CACNA1C: variants seen among roughly 807,000 people sequenced by gnomAD.
CACNA1C encodes voltage-dependent L-type calcium channel subunit alpha-1C.
Under a neutral mutation model 229.0 loss-of-function variants are expected in CACNA1C, and 30 were observed. The ratio of observed to expected loss-of-function variants is 0.13; its 90% CI spans 0.10 to 0.18. The LOEUF (loss-of-function observed/expected upper bound fraction) is 0.18. CACNA1C is among the 10% of genes least tolerant of loss of function. CACNA1C has a pLI of 1.00. For synonymous variants in CACNA1C, 1,114 were observed against 1,132.5 expected, an observed-to-expected ratio of 0.98 and a Z score of 0.33; for missense variants, 1,658 against 2,845.0, an observed-to-expected ratio of 0.58 and a Z score of 9.49.
chr12:2,448,979 C>A lies in CACNA1C; in HGVS notation c.481C>A (p.Arg161=). 6.2e-7 allele frequency: 1 copy of A among 1,606,410 alleles called. No homozygotes were observed. The highest frequency in any genetic ancestry group is 8.5e-7 in the Non-Finnish European group (1 of 1,174,958). ...DSNATNSNLE[R]VEYLFLIIFT... is the part of the protein sequence containing the mutation. ...CTTTTCTATTTCTGTTTCCTAGGAA[C>A]GAGTGGAATATCTCTTTCTCATAAT... Residue 161 remains arginine, a synonymous_variant, in exon 4 of 47, where the codon CGA becomes AGA. Transcript: ENST00000399655.
intron 3 of CACNA1C, among the ~76,000 whole-genome samples, chr12:2,182,347 T>TCTTCTG (rs1167048867): frequency 2.0e-5 from 3 of 152,108 alleles, no homozygotes; most frequent in African/African-American, 7.2e-5. Context: ...GCTGATGGTT[T>TCTTCTG]CTTCTGCTTC....
At chr12:2,151,745 A>G (rs987899374) in intron 3 of CACNA1C, among the ~76,000 whole-genome samples, 1 of 152,204 alleles carries the variant, frequency 6.6e-6, no homozygotes, top group African/African-American at 2.4e-5. Context: ...AGATGACAGC[A>G]GGCCACTCTC....
intron 4 of CACNA1C, among the ~76,000 whole-genome samples, chr12:2,451,588 G>A (rs1045984658): frequency 1.6e-4 from 25 of 152,334 alleles, no homozygotes; most frequent in African/African-American, 6.0e-4. Flanking sequence ...CCCTGGGAGG[G>A]AGGGGCCCTG....
chr12:2,100,000 CAG>C (rs1220915276), intron 1 of CACNA1C, among the ~76,000 whole-genome samples: 1 of 152,226 alleles, frequency 6.6e-6, no homozygotes, highest in African/African-American at 2.4e-5. Context: ...TAGCAACTGA[CAG>C]AGGCTCGAAT....
intron 3 of CACNA1C, among the ~76,000 whole-genome samples, chr12:2,244,338 C>T (rs1257569682): frequency 1.3e-5 from 2 of 152,224 alleles, no homozygotes; most frequent in South Asian, 2.1e-4. Flanking sequence ...GCTGCAGCTC[C>T]GCTTTTGAAC....
At chr12:2,094,974 C>G (rs1388230030) in intron 1 of CACNA1C, among the ~76,000 whole-genome samples, 2 of 152,176 alleles carry the variant, frequency 1.3e-5, no homozygotes. Flanking sequence ...GATGGCTGCA[C>G]CATGCTAAGT....
chr12:2,655,020 C>T lies in CACNA1C; in HGVS notation c.4141-127C>T, dbSNP rs114422047. 2.7e-5 allele frequency: 18 copies of T among 668,008 alleles called. No homozygotes were observed. The African/African-American group carries it at 2.8e-4, about 11-fold the overall frequency. The allele number at this position is 668,008 out of a possible 1,614,324, so 41.4% of individuals were successfully genotyped here. Reference sequence around the variant, plus strand: ...GTGCCTGCCAGGTTGCATGGGAAGACTGTTCAGCTTGTGGCAGCCAGTTCC... The same window carrying T: ...GTGCCTGCCAGGTTGCATGGGAAGATTGTTCAGCTTGTGGCAGCCAGTTCC... On this transcript the variant is annotated intron_variant, in intron 33 of 46. Coordinates refer to ENST00000399655, the MANE Select transcript of CACNA1C (RefSeq NM_000719.7).
At chr12:2,454,100 A>G (rs1245320260) in intron 4 of CACNA1C, among the ~76,000 whole-genome samples, 2 of 152,154 alleles carry the variant, frequency 1.3e-5, no homozygotes, top group Non-Finnish European at 2.9e-5. Context: ...CATTTGTGTC[A>G]TCAGATCCTC....
intron 43 of CACNA1C, among the ~76,000 whole-genome samples, chr12:2,683,902 A>G (rs1348044229): frequency 6.6e-6 from 1 of 152,242 alleles, no homozygotes; most frequent in Non-Finnish European, 1.5e-5. Context: ...GCCGATGCAG[A>G]CAGGGAGGAG....
chr12:2,502,677 C>T (rs2099763321), intron 7 of CACNA1C, among the ~76,000 whole-genome samples: 1 of 152,160 alleles, frequency 6.6e-6, no homozygotes, highest in Non-Finnish European at 1.5e-5. Flanking sequence ...GGATGTAACA[C>T]TTCATACCAG....
intron 3 of CACNA1C, among the ~76,000 whole-genome samples, chr12:2,446,752 A>C (rs1005682198): frequency 2.7e-5 from 4 of 146,152 alleles, no homozygotes; most frequent in Non-Finnish European, 6.0e-5. Context: ...TGAATGGATG[A>C]GTAGTGAGTG....
chr12:2,533,175 C>T (rs116481691), intron 9 of CACNA1C, among the ~76,000 whole-genome samples: 512 of 152,226 alleles, frequency 3.4e-3, no homozygotes, highest in African/African-American at 0.012. Flanking sequence ...CGTTCATCCC[C>T]GTCTGTTCTT....
chr12:2,097,337 G>A (rs780555593), intron 1 of CACNA1C, among the ~76,000 whole-genome samples: 43 of 151,766 alleles, frequency 2.8e-4, no homozygotes, highest in South Asian at 2.7e-3. Flanking sequence ...TAGTAGAGAC[G>A]GGGTTTCACC....
intron 3 of CACNA1C, among the ~76,000 whole-genome samples, chr12:2,419,053 T>C (rs911274524): frequency 6.6e-6 from 1 of 152,202 alleles, no homozygotes; most frequent in African/African-American, 2.4e-5. Context: ...TTTTACAGAT[T>C]AGAAAACTGA....
intron 3 of CACNA1C, among the ~76,000 whole-genome samples, chr12:2,201,673 C>T (rs968775252): frequency 6.6e-6 from 1 of 152,202 alleles, no homozygotes; most frequent in African/African-American, 2.4e-5. Flanking sequence ...TGCAAGTGTC[C>T]TCATGACCCT....
chr12:2,648,948 G>A (rs548448154), intron 31 of CACNA1C, among the ~76,000 whole-genome samples: 8 of 152,310 alleles, frequency 5.3e-5, no homozygotes, highest in East Asian at 3.9e-4. Flanking sequence ...AAGGGTGGAC[G>A]ATGATTCCTG....
intron 31 of CACNA1C, 110 bp downstream of exon 31, chr12:2,648,617 T>G (rs2094584261): frequency 2.3e-6 from 2 of 863,314 alleles, no homozygotes; most frequent in Non-Finnish European, 3.9e-6. Flanking sequence ...TGGCTCTCAC[T>G]GCATGTGGCC....
intron 3 of CACNA1C, among the ~76,000 whole-genome samples, chr12:2,377,654 T>C (rs2154544010): frequency 6.6e-6 from 1 of 152,332 alleles, no homozygotes; most frequent in East Asian, 1.9e-4. Context: ...ATATGTTCTT[T>C]ATCTCCTCCA....
chr12:2,268,388 C>G (rs1043759573), intron 3 of CACNA1C, among the ~76,000 whole-genome samples: 1 of 152,186 alleles, frequency 6.6e-6, no homozygotes, highest in African/African-American at 2.4e-5. Flanking sequence ...ATCGACTTAT[C>G]CAAGGCCTGG....
Sources: gnomAD v4.1 joint callset for allele counts (sites outside exome capture counted in the v4.1 genomes callset) on GRCh38, gnomAD v4.1.1 for gene constraint, MANE v1.5 for transcripts, NCBI Gene and HGNC (gene_info 2026-07-23, HGNC 2026-07-21) for gene names.